GAK: variants seen among roughly 807,000 people sequenced by gnomAD.
The protein encoded by GAK is cyclin G associated kinase, also known as cyclin-G-associated kinase.
In GAK, 79 loss-of-function variants were observed where a neutral mutation model predicts 143.9. That is an observed-to-expected ratio of 0.55 (90% CI 0.46 to 0.66). GAK has a LOEUF of 0.66. Among genes scored for constraint, GAK ranks in the 30% least tolerant of loss-of-function variants. GAK has a pLI of 0.00. For missense variants in GAK, 1,693 were observed against 1,779.7 expected, an observed-to-expected ratio of 0.95 and a Z score of 0.88; for synonymous variants, 881 against 765.5, an observed-to-expected ratio of 1.15 and a Z score of -2.49.
intron 3 of GAK, chr4:912,217 C>T (rs188785601): frequency 4.7e-5 from 21 of 451,256 alleles, no homozygotes; most frequent in Admixed American, 1.4e-4. Flanking sequence ...CAGCCAGGGC[C>T]GAAGACTCCA....
chr4:850,718 GC>G (rs1164124703), intron 26 of GAK: 4 of 241,436 alleles, frequency 1.7e-5, no homozygotes, highest in Non-Finnish European at 2.3e-5. Context: ...ACTCTGCCCT[GC>G]CCCCCTGGCC....
chr4:881,812 G>T, intron 15 of GAK, 95 bp downstream of exon 15: 1 of 1,380,542 alleles, frequency 7.2e-7, no homozygotes, highest in Non-Finnish European at 9.7e-7. Flanking sequence ...GCCTGCAGCG[G>T]CACCGACTGG....
At chr4:866,763 A>G (rs1008184853) in intron 21 of GAK, among the ~76,000 whole-genome samples, 193 bp downstream of exon 21, 11 of 152,188 alleles carry the variant, frequency 7.2e-5, no homozygotes, top group Admixed American at 2.0e-4. Context: ...AGAAGCCAGT[A>G]GCTCCCGGCC....
At chr4:849,838 C>A (rs1577014965) in intron 27 of GAK, 54 bp downstream of exon 27, 1 of 1,104,920 alleles carries the variant, frequency 9.1e-7, no homozygotes, top group South Asian at 1.4e-5. Flanking sequence ...GGCAGGACCC[C>A]CCCCCCGCCC....
At chr4:922,875 T>C (rs1244822428) in intron 1 of GAK, among the ~76,000 whole-genome samples, 4 of 152,210 alleles carry the variant, frequency 2.6e-5, no homozygotes, top group African/African-American at 9.7e-5. Flanking sequence ...GCTTTATCTG[T>C]AGTAGCCAAA....
intron 6 of GAK, among the ~76,000 whole-genome samples, chr4:896,775 T>A (rs1718883466): frequency 6.6e-6 from 1 of 152,238 alleles, no homozygotes; most frequent in Admixed American, 6.5e-5. Flanking sequence ...GTCATTCACC[T>A]CCCTCAATCT....
intron 1 of GAK, among the ~76,000 whole-genome samples, chr4:914,681 C>A: frequency 7.8e-6 from 1 of 128,160 alleles, no homozygotes; most frequent in East Asian, 2.5e-4. Context: ...GTGCACAGCC[C>A]CACCCCCAAC....
intron 1 of GAK, among the ~76,000 whole-genome samples, chr4:930,994 T>C (rs1725622488): frequency 6.6e-6 from 1 of 152,158 alleles, no homozygotes; most frequent in East Asian, 1.9e-4. Flanking sequence ...TCACTCCCTC[T>C]CCCTGTGCCA....
intron 5 of GAK, among the ~76,000 whole-genome samples, chr4:899,268 C>T (rs995436925): frequency 2.0e-5 from 3 of 152,338 alleles, no homozygotes; most frequent in Admixed American, 1.3e-4. Flanking sequence ...AGGGAAGGAG[C>T]GGCTTCTTCA....
At chr4:925,772 C>T (rs1187167721) in intron 1 of GAK, among the ~76,000 whole-genome samples, 1 of 152,216 alleles carries the variant, frequency 6.6e-6, no homozygotes, top group Non-Finnish European at 1.5e-5. Flanking sequence ...ACCAGATCTG[C>T]CGGCGCCTTG....
chr4:878,282 G>C (rs561108364), intron 15 of GAK, among the ~76,000 whole-genome samples: 14 of 151,896 alleles, frequency 9.2e-5, no homozygotes, highest in Non-Finnish European at 1.5e-5. Context: ...CCAGCTACTC[G>C]GGAGGGCTAA....
In GAK at chr4:883,343, G is replaced by A. The variant is rs1715554862; in HGVS notation, c.1376C>T (p.Thr459Ile). The A allele has an allele frequency of 6.2e-7, 1 of 1,613,470 alleles. No individual in the cohort carries two copies. Among genetic ancestry groups the A allele is most frequent in the African/African-American group, 1.3e-5 (1 of 74,950 alleles). Reference protein sequence around the residue: ...HYAVYNLSPRTYRPSRFHNRV... With the variant: ...HYAVYNLSPRIYRPSRFHNRV... ...GTTGTGGAACCTGGAGGGCCGGTAG[G>A]TCCTCGGGGACAGGTTGTAGACGGC... The change falls in exon 13 of 28, where the codon ACC becomes ATC. Residue 459 changes from threonine (T) to isoleucine (I), a missense_variant. Transcript: ENST00000314167.
chr4:890,649 G>A (rs1717455688), intron 9 of GAK, 27 bp from the exon 10 acceptor site: 2 of 1,591,098 alleles, frequency 1.3e-6, no homozygotes, highest in Non-Finnish European at 8.6e-7. Flanking sequence ...GCAGAGGTCA[G>A]TTCTCTAAAC....
rs948289880 is a variant in GAK at position 890,760 on chromosome 4, C to G, written c.991-138G>C. 1.7e-5 allele frequency: 11 copies of G among 645,656 alleles called. No homozygotes were observed. The African/African-American group carries it at 2.1e-4, about 12-fold the overall frequency. 40.0% of individuals were successfully genotyped at this position (645,656 alleles called of 1,614,324 possible). On this transcript the variant is annotated intron_variant, in intron 9 of 27. Transcript: ENST00000314167. ...TCTATGACACAGTGCAAGGGAGGAA[C>G]TTCCCACAGGCTGAAGCATCAGCTG...
intron 23 of GAK, among the ~76,000 whole-genome samples, chr4:861,579 A>C (rs1253631417): frequency 1.3e-5 from 2 of 152,134 alleles, no homozygotes; most frequent in Admixed American, 1.3e-4. Context: ...CAAGAGCAAG[A>C]CCCTGTCTCT....
intron 4 of GAK, among the ~76,000 whole-genome samples, chr4:910,794 C>T (rs1040513979): frequency 2.1e-4 from 32 of 152,054 alleles, no homozygotes; most frequent in Admixed American, 1.4e-3. Context: ...ACCCCCTCAC[C>T]GGCCAGGCCA....
chr4:913,021 A>T (rs1294068589), intron 2 of GAK, among the ~76,000 whole-genome samples: 1 of 152,268 alleles, frequency 6.6e-6, no homozygotes, highest in Non-Finnish European at 1.5e-5. Context: ...CAAAAGCAGG[A>T]GCCTTTCCCC....
At chr4:858,114 G>C (rs996665109) in intron 24 of GAK, among the ~76,000 whole-genome samples, 12 of 152,238 alleles carry the variant, frequency 7.9e-5, no homozygotes, top group Admixed American at 2.0e-4. Flanking sequence ...CAGGGCCTGT[G>C]TGGAGGAGGC....
intron 15 of GAK, among the ~76,000 whole-genome samples, chr4:880,747 T>C (rs1220484485): frequency 6.6e-6 from 1 of 152,176 alleles, no homozygotes; most frequent in Non-Finnish European, 1.5e-5. Context: ...GAAAAGGCCA[T>C]GAACTTGAAG....
Sources: allele counts gnomAD v4.1 joint callset (sites outside exome capture counted in the v4.1 genomes callset), GRCh38; gene constraint gnomAD v4.1.1; transcripts MANE v1.5; gene names NCBI Gene and HGNC (gene_info 2026-07-23, HGNC 2026-07-21).